The following CNEP1R1 variants were observed in gnomAD, a reference collection of about 807,000 sequenced individuals.
The protein encoded by CNEP1R1 is nuclear envelope phosphatase-regulatory subunit 1.
CNEP1R1 carries 10 observed loss-of-function variants against 22.7 expected under a neutral mutation model. The observed-to-expected ratio is 0.44, with a 90% CI of 0.27 to 0.75. The LOEUF (loss-of-function observed/expected upper bound fraction) is 0.75, where lower values mean the gene tolerates loss of function less well. CNEP1R1 is among the 30% of genes least tolerant of loss of function. The pLI is 0.17. For missense variants in CNEP1R1, 73 were observed against 151.5 expected (o/e 0.48, Z 2.72); for synonymous variants, 53 against 50.1 (o/e 1.06, Z -0.25).
At chr16:50,025,522 C>T in intron 1 of CNEP1R1, 182 bp downstream of exon 1, 1 of 1,087,700 alleles carries the variant, frequency 9.2e-7, no homozygotes, top group Non-Finnish European at 1.3e-6. Context: ...GGTGCCTCAG[C>T]TCCCTGAGTC....
At chr16:50,035,324 T>C (rs955711493) in intron 5 of CNEP1R1, 93 bp from the exon 6 acceptor site, 1 of 719,356 alleles carries the variant, frequency 1.4e-6, no homozygotes, top group East Asian at 2.7e-5. Flanking sequence ...AGCGTTCTTA[T>C]TCCTTGCACA....
At chr16:50,026,910 T>C (rs1455349212) in intron 2 of CNEP1R1, 3 of 155,782 alleles carry the variant, frequency 1.9e-5, no homozygotes, top group Non-Finnish European at 2.9e-5. Context: ...GAGGCGGGGA[T>C]TGCAGTGAGC....
chr16:50,035,127 G>A (rs1230145250), intron 5 of CNEP1R1, among the ~76,000 whole-genome samples: 1 of 152,196 alleles, frequency 6.6e-6, no homozygotes, highest in Non-Finnish European at 1.5e-5. Context: ...CAAGGCAGGA[G>A]GATTGCTTGA....
rs368116725 is a variant in CNEP1R1, at chr16:50,029,802, G to A, written c.171+4G>A. On this transcript the variant is annotated splice_donor_region_variant and intron_variant, in intron 3 of 5. Coordinates refer to ENST00000427478, the MANE Select transcript of CNEP1R1 (RefSeq NM_001281789.2). ...AATAGACCCTGAGACACAAAAGGTA[G>A]AAGTTTTGTTTTAAAATCATTAGCA... 13 of 1,573,570 alleles carry A rather than the reference G, an allele frequency of 8.3e-6. No individual in the cohort carries two copies. Among genetic ancestry groups the A allele is most frequent in the Admixed American group, 5.1e-5 (3 of 59,396 alleles).
In CNEP1R1 at chr16:50,033,391, T is replaced by C; in HGVS notation, c.172-6T>C. On this transcript the variant is annotated splice_polypyrimidine_tract_variant and splice_region_variant and intron_variant, in intron 3 of 5. Coordinates refer to ENST00000427478, the MANE Select transcript of CNEP1R1 (RefSeq NM_001281789.2). ...CATTTTTATATTTTCATCTCTTCTT[T>C]TACAGGTGTCCTTCTTCACATCATT... The C allele has an allele frequency of 6.8e-7, 1 of 1,475,894 alleles. No individual in the cohort carries two copies. The highest frequency in any genetic ancestry group is 1.2e-5 in the South Asian group (1 of 85,856). The allele number at this position is 1,475,894 out of a possible 1,614,324, so 91.4% of individuals were successfully genotyped here.
At position 50,025,262 on chromosome 16, in the gene CNEP1R1, G is replaced by T; in HGVS notation, c.-54G>T. The T allele has an allele frequency of 7.2e-7, 1 of 1,384,740 alleles. No individual in the cohort carries two copies. The highest frequency in any genetic ancestry group is 2.9e-5 in the East Asian group (1 of 34,066). The allele number at this position is 1,384,740 out of a possible 1,614,324, so 85.8% of individuals were successfully genotyped here. A position where few individuals can be genotyped will look rare whatever the true frequency, so the allele number is the denominator to read the frequency against. On this transcript the variant is annotated 5_prime_UTR_variant, in exon 1 of 6. Transcript: ENST00000427478. ...TGGCGCTGCGGGCCGGGCGGGGGCCGCGGAAGCTGCGATGCGGACAGGGCA... is the reference window on the plus strand; with the variant it reads ...TGGCGCTGCGGGCCGGGCGGGGGCCTCGGAAGCTGCGATGCGGACAGGGCA...
intron 3 of CNEP1R1, among the ~76,000 whole-genome samples, chr16:50,031,526 T>C (rs1247595502): frequency 6.6e-6 from 1 of 152,202 alleles, no homozygotes; most frequent in Non-Finnish European, 1.5e-5. Flanking sequence ...TGACTTCTAA[T>C]TGGGAAAAAT....
intron 1 of CNEP1R1, 193 bp downstream of exon 1, chr16:50,025,533 C>T (rs1392761965): frequency 2.7e-6 from 3 of 1,130,144 alleles, no homozygotes; most frequent in Non-Finnish European, 3.8e-6. Flanking sequence ...TCCCTGAGTC[C>T]CCACAAACCT....
chr16:50,030,822 A>G (rs376556934), intron 3 of CNEP1R1, among the ~76,000 whole-genome samples: 9 of 152,236 alleles, frequency 5.9e-5, no homozygotes, highest in African/African-American at 2.2e-4. Context: ...TATCTCTGAA[A>G]AAAAATTTCT....
rs762737420 is a variant in CNEP1R1, at chr16:50,025,359, G to A, written c.25+19G>A. On this transcript the variant is annotated intron_variant, in intron 1 of 5. Transcript: ENST00000427478. Reference sequence around the variant, plus strand: ...GCGGAAGGTAGGGTGGGCCGCCCGGGCCCGTCCCCCGTCTCCCCTCGGAAG... The same window carrying A: ...GCGGAAGGTAGGGTGGGCCGCCCGGACCCGTCCCCCGTCTCCCCTCGGAAG... 1 of 1,436,820 alleles carries A rather than the reference G, an allele frequency of 7.0e-7. No individual in the cohort carries two copies. The highest frequency in any genetic ancestry group is 9.1e-7 in the Non-Finnish European group (1 of 1,099,230). 89.0% of individuals were successfully genotyped at this position (1,436,820 alleles called of 1,614,324 possible).
intron 1 of CNEP1R1, chr16:50,025,818 G>T: frequency 1.2e-6 from 1 of 835,444 alleles, no homozygotes; most frequent in Non-Finnish European, 2.0e-6. Flanking sequence ...GGCGCTGCCT[G>T]GGTGCCACGA....
At chr16:50,027,868 C>T (rs1467274757) in intron 2 of CNEP1R1, among the ~76,000 whole-genome samples, 1 of 152,084 alleles carries the variant, frequency 6.6e-6, no homozygotes, top group Non-Finnish European at 1.5e-5. Context: ...TGCTTACTTG[C>T]CCATGGAAAT....
intron 4 of CNEP1R1, among the ~76,000 whole-genome samples, 181 bp from the exon 5 acceptor site, chr16:50,033,921 T>A (rs373807620): frequency 1.8e-3 from 259 of 142,952 alleles, no homozygotes; most frequent in African/African-American, 6.3e-3. Flanking sequence ...TCTTGCTCTG[T>A]CGCCCAGGCT....
chr16:50,027,329 G>T (rs998333825), intron 2 of CNEP1R1, among the ~76,000 whole-genome samples: 4 of 151,926 alleles, frequency 2.6e-5, no homozygotes, highest in Non-Finnish European at 5.9e-5. Context: ...CTAATACGGT[G>T]AAACCCCGTC....
Position 50,026,276 on chromosome 16 carries a change from G to A in CNEP1R1, c.26-120G>A, listed in dbSNP as rs146610622. The stretch of plus-strand genomic sequence containing the variant: ...AGTGCAGTGATACATGGAAGTTAGT[G>A]TGTAAGACCTGAAGCAGTTAAGAGT... On this transcript the variant is annotated intron_variant, in intron 1 of 5. Coordinates refer to ENST00000427478, the MANE Select transcript of CNEP1R1 (RefSeq NM_001281789.2). The A allele has an allele frequency of 6.9e-4, 469 of 680,686 alleles. 5 individuals carry two copies. The African/African-American group carries it at 7.7e-3, about 11-fold the overall frequency. 42.2% of individuals were successfully genotyped at this position (680,686 alleles called of 1,614,324 possible).
intron 2 of CNEP1R1, among the ~76,000 whole-genome samples, chr16:50,029,385 T>G (rs1013708399): frequency 7.9e-5 from 12 of 152,148 alleles, no homozygotes; most frequent in Admixed American, 4.6e-4. Context: ...TTAATTTGAG[T>G]TTACAAGATC....
intron 2 of CNEP1R1, among the ~76,000 whole-genome samples, chr16:50,028,220 C>G (rs371191764): frequency 3.3e-5 from 5 of 152,304 alleles, no homozygotes; most frequent in African/African-American, 9.6e-5. Context: ...CCTGGCTTCC[C>G]AAAGTGCTAG....
chr16:50,028,421 A>AT (rs887375866), intron 2 of CNEP1R1, among the ~76,000 whole-genome samples: 1 of 152,180 alleles, frequency 6.6e-6, no homozygotes, highest in Non-Finnish European at 1.5e-5. Context: ...ATCTGGCAAG[A>AT]TTTTTTTGTA....
intron 1 of CNEP1R1, chr16:50,025,629 T>G (rs532712316): frequency 6.2e-7 from 1 of 1,607,552 alleles, no homozygotes; most frequent in Non-Finnish European, 8.5e-7. Flanking sequence ...GCCTGCTAAT[T>G]CATTTCATTT....
Sources: allele counts gnomAD v4.1 joint callset (sites outside exome capture counted in the v4.1 genomes callset), GRCh38; gene constraint gnomAD v4.1.1; transcripts MANE v1.5; gene names NCBI Gene and HGNC (gene_info 2026-07-23, HGNC 2026-07-21).